FGGY: variants seen among roughly 807,000 people sequenced by gnomAD.
FGGY encodes the protein FGGY carbohydrate kinase domain containing.
A neutral mutation model predicts 71.3 loss-of-function variants in FGGY; 72 were observed. That is an observed-to-expected ratio of 1.01 (90% confidence interval 0.84 to 1.23). The LOEUF is 1.23. FGGY is among the 50% of genes most tolerant of loss of function. The pLI is 0.00. For missense variants in FGGY, 668 were observed against 682.3 expected, an observed-to-expected ratio of 0.98 and a Z score of 0.23; for synonymous variants, 251 against 250.3, an observed-to-expected ratio of 1.00 and a Z score of -0.02.
chr1:59,477,372 C>T (rs1213204485), intron 6 of FGGY, among the ~76,000 whole-genome samples: 1 of 152,160 alleles, frequency 6.6e-6, no homozygotes, highest in East Asian at 1.9e-4. Flanking sequence ...TGAGAATCTG[C>T]ATCAGAGGGC....
intron 14 of FGGY, among the ~76,000 whole-genome samples, chr1:59,678,422 C>CCA (rs1188625791): frequency 1.3e-5 from 2 of 152,158 alleles, no homozygotes; most frequent in East Asian, 3.9e-4. Flanking sequence ...CTCTAGGCTC[C>CCA]CAGGTCCTGG....
chr1:59,302,882 G>T (rs1037649747), intron 1 of FGGY, among the ~76,000 whole-genome samples: 1 of 152,124 alleles, frequency 6.6e-6, no homozygotes, highest in Non-Finnish European at 1.5e-5. Context: ...GGATTCACTA[G>T]TGAAGCCATC....
chr1:59,723,267 C>A (rs185527261), intron 14 of FGGY, among the ~76,000 whole-genome samples: 125 of 152,252 alleles, frequency 8.2e-4, no homozygotes, highest in African/African-American at 2.9e-3. Context: ...ATAAATATTT[C>A]TGTATGTAAT....
chr1:59,695,796 G>A (rs556536291), intron 14 of FGGY, among the ~76,000 whole-genome samples: 4 of 152,232 alleles, frequency 2.6e-5, no homozygotes, highest in Admixed American at 1.3e-4. Context: ...GGAAGAGTAA[G>A]CAGAATGTCA....
chr1:59,592,505 A>G (rs1464328356), intron 8 of FGGY, among the ~76,000 whole-genome samples: 2 of 152,202 alleles, frequency 1.3e-5, no homozygotes, highest in Non-Finnish European at 2.9e-5. Flanking sequence ...TTGCTGCACT[A>G]TTCACAATAG....
rs188143424 is a variant in FGGY at position 59,302,778 on chromosome 1, T to C, written c.-15+5628T>C. ...TTAAATAAAATTGAACTTTATTCAGTTTGTTGAAAGTTTAATTGAATCTTA... is the reference window on the plus strand; with the variant it reads ...TTAAATAAAATTGAACTTTATTCAGCTTGTTGAAAGTTTAATTGAATCTTA... On this transcript the variant is annotated intron_variant, in intron 1 of 15. Transcript: ENST00000303721. Among the ~76,000 whole-genome samples the C allele has an allele frequency of 9.4e-4, 143 of 152,272 alleles. 1 individual carries two copies. Among genetic ancestry groups the C allele is most frequent in the African/African-American group, 3.3e-3 (136 of 41,554 alleles).
At chr1:59,575,102 C>CT (rs2096056890) in intron 8 of FGGY, among the ~76,000 whole-genome samples, 1 of 152,188 alleles carries the variant, frequency 6.6e-6, no homozygotes, top group Admixed American at 6.5e-5. Context: ...ACCTCACATA[C>CT]TTTTTTGTGG....
At chr1:59,444,662 C>T (rs2070795152) in intron 5 of FGGY, among the ~76,000 whole-genome samples, 1 of 152,132 alleles carries the variant, frequency 6.6e-6, no homozygotes, top group Non-Finnish European at 1.5e-5. Flanking sequence ...GTCAGATCAG[C>T]AGTGGCATTA....
At chr1:59,570,508 A>C (rs942315817) in intron 8 of FGGY, among the ~76,000 whole-genome samples, 1 of 152,196 alleles carries the variant, frequency 6.6e-6, no homozygotes, top group African/African-American at 2.4e-5. Flanking sequence ...CATACTGAGA[A>C]GTCATGACTT....
At chr1:59,711,557 A>G (rs2097794469) in intron 14 of FGGY, among the ~76,000 whole-genome samples, 1 of 152,238 alleles carries the variant, frequency 6.6e-6, no homozygotes, top group Non-Finnish European at 1.5e-5. Context: ...GTACATTTTC[A>G]TGCTGCTAAT....
At chr1:59,476,899 T>C (rs2093289328) in intron 6 of FGGY, among the ~76,000 whole-genome samples, 1 of 152,244 alleles carries the variant, frequency 6.6e-6, no homozygotes, top group South Asian at 2.1e-4. Flanking sequence ...GTCCAGTAAT[T>C]GGAACCATCT....
In FGGY at chr1:59,554,140, T is replaced by C. The variant is rs2095649432; in HGVS notation, c.816T>C (p.Asp272=). ...TTCTCACAGGAGTGATTGGGGCAGATGTGAGAGGGCACGGCCTCATCTGTG... is the reference window on the plus strand; with the variant it reads ...TTCTCACAGGAGTGATTGGGGCAGACGTGAGAGGGCACGGCCTCATCTGTG... ...HAGGLGVIGA[D]VRGHGLICEG... The change falls in exon 8 of 16, where the codon GAT becomes GAC. Residue 272 remains aspartate (D), a synonymous_variant. Coordinates refer to ENST00000303721, the MANE Select transcript of FGGY (RefSeq NM_018291.5). 1 of 1,611,342 alleles carries C rather than the reference T, an allele frequency of 6.2e-7. No individual in the cohort carries two copies. The highest frequency in any genetic ancestry group is 8.5e-7 in the Non-Finnish European group (1 of 1,177,814).
chr1:59,493,495 G>T (rs2093942843), intron 6 of FGGY, among the ~76,000 whole-genome samples: 1 of 152,136 alleles, frequency 6.6e-6, no homozygotes, highest in African/African-American at 2.4e-5. Flanking sequence ...TAGCATGGAT[G>T]AATCTTGAAG....
intron 7 of FGGY, among the ~76,000 whole-genome samples, chr1:59,536,072 T>A (rs530323233): frequency 4.0e-4 from 60 of 151,228 alleles, no homozygotes; most frequent in Admixed American, 1.2e-3. Context: ...TCAACAAAAT[T>A]GATAGACCTC....
At chr1:59,685,764 A>T (rs773346212) in intron 14 of FGGY, among the ~76,000 whole-genome samples, 14 of 151,534 alleles carry the variant, frequency 9.2e-5, no homozygotes, top group East Asian at 5.8e-4. Context: ...AGTTATTATT[A>T]TTTTTTTTTA....
intron 6 of FGGY, among the ~76,000 whole-genome samples, chr1:59,486,818 G>C (rs1365060152): frequency 6.6e-6 from 1 of 152,218 alleles, no homozygotes; most frequent in Non-Finnish European, 1.5e-5. Flanking sequence ...TGTGAGCAGT[G>C]AATCAGCCAA....
chr1:59,338,167 T>TTGCATTCCTGGGATGACTCCACATAGTCA, intron 2 of FGGY, among the ~76,000 whole-genome samples: 1 of 152,202 alleles, frequency 6.6e-6, no homozygotes, highest in Non-Finnish European at 1.5e-5. Flanking sequence ...TAAACCACTC[T>TTGCATTCCTGGGATGACTCCACATAGTCA]TGCATTCCTG....
rs1478129811 is a variant in FGGY, at chr1:59,336,963, G to A, written c.202-2995G>A. ...ATGTATTTGTCAGGTTTCTCCAGAG[G>A]GACAAGGCCAGTAGGAAATATATAT... On this transcript the variant is annotated intron_variant, in intron 2 of 15. Transcript: ENST00000303721. Among the ~76,000 whole-genome samples the A allele has an allele frequency of 6.8e-5, 10 of 147,144 alleles. No homozygotes were observed. In the South Asian group the frequency reaches 1.5e-3, roughly 22 times the overall value.
chr1:59,606,344 A>G (rs1176741097), intron 8 of FGGY, among the ~76,000 whole-genome samples: 2 of 152,188 alleles, frequency 1.3e-5, no homozygotes, highest in Non-Finnish European at 2.9e-5. Context: ...CCACTTGTCA[A>G]AAGTAAAATG....
Sources: allele counts gnomAD v4.1 joint callset (sites outside exome capture counted in the v4.1 genomes callset), GRCh38; gene constraint gnomAD v4.1.1; transcripts MANE v1.5; gene names NCBI Gene and HGNC (gene_info 2026-07-23, HGNC 2026-07-21).